OTOGL: variants seen among roughly 807,000 people sequenced by gnomAD.
OTOGL encodes otogelin like.
A neutral mutation model predicts 318.5 loss-of-function variants in OTOGL; 285 were observed. That is an observed-to-expected ratio of 0.89 (90% CI 0.81 to 0.99). The LOEUF is 0.99. Among genes scored for constraint, OTOGL ranks in the 50% least tolerant of loss-of-function variants. OTOGL has a pLI of 0.00. For missense variants in OTOGL, 2,899 were observed against 2,845.6 expected, an observed-to-expected ratio of 1.02 and a Z score of -0.43; for synonymous variants, 987 against 936.5, an observed-to-expected ratio of 1.05 and a Z score of -0.99.
chr12:80,365,020 G>A (rs1441430158), intron 52 of OTOGL, among the ~76,000 whole-genome samples: 1 of 152,084 alleles, frequency 6.6e-6, no homozygotes, highest in Non-Finnish European at 1.5e-5. Flanking sequence ...TTACAAGGCT[G>A]TGGAGAAATG....
At chr12:80,337,131 C>A in intron 42 of OTOGL, 127 bp downstream of exon 42, 1 of 690,348 alleles carries the variant, frequency 1.4e-6, no homozygotes. Context: ...GTAATCATTT[C>A]ATAGACAATA....
chr12:80,145,151 T>A (rs548754142), intron 1 of OTOGL, among the ~76,000 whole-genome samples: 7,617 of 148,522 alleles, frequency 0.051, 572 homozygotes, highest in African/African-American at 0.19. Context: ...TCCTGAATGG[T>A]ATTGCCTAGG....
chr12:80,258,552 C>T (rs1035765664), intron 18 of OTOGL, among the ~76,000 whole-genome samples: 1 of 152,044 alleles, frequency 6.6e-6, no homozygotes, highest in African/African-American at 2.4e-5. Flanking sequence ...ATTTGTACCC[C>T]TTGTATTGAC....
chr12:80,135,230 A>AT (rs1382645735), intron 1 of OTOGL, among the ~76,000 whole-genome samples: 2 of 129,844 alleles, frequency 1.5e-5, no homozygotes, highest in Non-Finnish European at 3.3e-5. Context: ...TCTCTGGGTC[A>AT]TTTTTTATTT....
chr12:80,347,573 G>C (rs1889276261), intron 44 of OTOGL, among the ~76,000 whole-genome samples: 2 of 152,004 alleles, frequency 1.3e-5, no homozygotes, highest in Non-Finnish European at 2.9e-5. Context: ...CCAAGTCTTT[G>C]CTATTATGAA....
chr12:80,343,459 TA>T (rs1296807389), intron 44 of OTOGL: 1 of 150,684 alleles, frequency 6.6e-6, no homozygotes, highest in Non-Finnish European at 1.5e-5. Flanking sequence ...TACACTGTAT[TA>T]TTTTTTACAT....
chr12:80,339,306 T>G lies in OTOGL; in HGVS notation c.5050+42T>G, dbSNP rs888437112. The G allele has an allele frequency of 1.7e-5, 23 of 1,384,664 alleles. No homozygotes were observed. The African/African-American group carries it at 2.0e-4, about 12-fold the overall frequency. 85.8% of individuals were successfully genotyped at this position (1,384,664 alleles called of 1,614,324 possible). On this transcript the variant is annotated intron_variant, in intron 43 of 58. Coordinates refer to ENST00000547103, the MANE Select transcript of OTOGL (RefSeq NM_001378609.3). ...AAATCTTGATTTCGTCTGTTTTTTT[T>G]TTTTTTTTTTTTTTTTTCTATTCAC...
At chr12:80,162,737 A>G (rs1173972155) in intron 1 of OTOGL, among the ~76,000 whole-genome samples, 2 of 152,060 alleles carry the variant, frequency 1.3e-5, no homozygotes, top group African/African-American at 4.8e-5. Context: ...TCCTGGTCCC[A>G]TTTTAATTTA....
At chr12:80,261,833 T>C (rs1882550209) in intron 18 of OTOGL, 136 bp from the exon 19 acceptor site, 1 of 1,100,752 alleles carries the variant, frequency 9.1e-7, no homozygotes, top group Non-Finnish European at 1.2e-6. Context: ...TACTTTTTTT[T>C]AAACTGGTAG....
chr12:80,183,248 C>G (rs1345426557), intron 1 of OTOGL, among the ~76,000 whole-genome samples: 1 of 152,148 alleles, frequency 6.6e-6, no homozygotes, highest in Non-Finnish European at 1.5e-5. Flanking sequence ...GTAGTATGTT[C>G]TCTCTCTCAC....
intron 26 of OTOGL, among the ~76,000 whole-genome samples, chr12:80,283,994 A>T (rs1884427741): frequency 1.3e-5 from 2 of 152,030 alleles, no homozygotes; most frequent in Admixed American, 1.3e-4. Context: ...CCCCCCACAC[A>T]TTAGGTATTT....
chr12:80,206,100 C>T (rs1055643644), intron 1 of OTOGL, among the ~76,000 whole-genome samples: 1 of 152,132 alleles, frequency 6.6e-6, no homozygotes, highest in African/African-American at 2.4e-5. Flanking sequence ...AAGCTGGTGG[C>T]TGGCTTACTT....
chr12:80,234,552 C>A (rs1471860636), intron 9 of OTOGL, among the ~76,000 whole-genome samples: 2 of 152,084 alleles, frequency 1.3e-5, no homozygotes, highest in Non-Finnish European at 2.9e-5. Flanking sequence ...AGAGCATATA[C>A]TTCATAAGGG....
intron 1 of OTOGL, among the ~76,000 whole-genome samples, chr12:80,108,481 T>C (rs1027216931): frequency 6.6e-6 from 1 of 151,984 alleles, no homozygotes; most frequent in Non-Finnish European, 1.5e-5. Flanking sequence ...ATTAGTTGGC[T>C]AAAGTGACAC....
chr12:80,108,977 G>T (rs1379404484), intron 1 of OTOGL, among the ~76,000 whole-genome samples: 3 of 138,466 alleles, frequency 2.2e-5, no homozygotes, highest in African/African-American at 5.5e-5. Context: ...TATAATTTAC[G>T]GTTATCATTA....
intron 23 of OTOGL, among the ~76,000 whole-genome samples, chr12:80,271,201 G>A (rs1359922009): frequency 1.3e-5 from 2 of 152,028 alleles, no homozygotes; most frequent in Non-Finnish European, 2.9e-5. Context: ...TATCCCTTTG[G>A]CCCCACTTGA....
chr12:80,185,444 A>G (rs1262793379), intron 1 of OTOGL, among the ~76,000 whole-genome samples: 1 of 152,096 alleles, frequency 6.6e-6, no homozygotes, highest in Non-Finnish European at 1.5e-5. Context: ...GTGCACTGCC[A>G]CGCCTGGCTA....
At chr12:80,341,652 T>C (rs1888775387) in intron 43 of OTOGL, among the ~76,000 whole-genome samples, 1 of 152,162 alleles carries the variant, frequency 6.6e-6, no homozygotes, top group Non-Finnish European at 1.5e-5. Context: ...TGGAAGAGTA[T>C]AGGAACAGAA....
intron 1 of OTOGL, among the ~76,000 whole-genome samples, chr12:80,174,039 C>T (rs184462402): frequency 3.2e-4 from 48 of 152,288 alleles, no homozygotes; most frequent in African/African-American, 1.0e-3. Context: ...ATAGATTCCA[C>T]AACAGTAAAG....
Sources: allele counts gnomAD v4.1 joint callset (sites outside exome capture counted in the v4.1 genomes callset), GRCh38; gene constraint gnomAD v4.1.1; transcripts MANE v1.5; gene names NCBI Gene and HGNC (gene_info 2026-07-23, HGNC 2026-07-21).